The following FBLN2 variants were observed in gnomAD, a reference collection of about 807,000 sequenced individuals.
FBLN2 encodes fibulin-2.
In FBLN2, 81 loss-of-function variants were observed where a neutral mutation model predicts 123.7. The ratio of observed to expected loss-of-function variants is 0.65; its 90% CI spans 0.55 to 0.79. The LOEUF is 0.79. Ranked by LOEUF, FBLN2 falls within the 30% of genes least tolerant of loss-of-function variation. FBLN2 has a pLI of 0.00. For missense variants in FBLN2, 1,603 were observed against 1,681.3 expected (o/e 0.95, Z 0.81); for synonymous variants, 699 against 701.4 (o/e 1.00, Z 0.05).
At chr3:13,581,488 T>C (rs1574958791) in intron 2 of FBLN2, among the ~76,000 whole-genome samples, 1 of 152,070 alleles carries the variant, frequency 6.6e-6, no homozygotes, top group East Asian at 1.9e-4. Context: ...CAATCAGACG[T>C]GGAGGCTGAG....
At chr3:13,631,279 G>A in intron 15 of FBLN2, 50 bp from the exon 16 acceptor site, 1 of 1,579,176 alleles carries the variant, frequency 6.3e-7, no homozygotes, top group Non-Finnish European at 8.6e-7. Context: ...TCAGTGGCTG[G>A]GCTCTGTGGG....
chr3:13,560,262 G>A lies in FBLN2; in HGVS notation c.-41-10053G>A, dbSNP rs1703568347. On this transcript the variant is annotated intron_variant, in intron 1 of 17. Transcript: ENST00000404922. ...TTTTCTTTTTTTTAGGGAGGAGAGG[G>A]AAGGGAGGGGAGAAAACCCTGGCTG... is the stretch of plus-strand genomic sequence containing the variant. Among the ~76,000 whole-genome samples, 4 of 152,116 alleles carry A rather than the reference G, an allele frequency of 2.6e-5. No homozygotes were observed. The South Asian group carries it at 8.3e-4, about 32-fold the overall frequency.
In FBLN2 at chr3:13,618,256, T is replaced by C. The variant is rs1321640460; in HGVS notation, c.1910T>C (p.Leu637Pro). The C allele has an allele frequency of 1.1e-5, 18 of 1,613,908 alleles. No homozygotes were observed. Among genetic ancestry groups the C allele is most frequent in the Admixed American group, 8.3e-5 (5 of 60,032 alleles). Reference protein sequence around the residue: ...YHCACFPGFSLQDDGRTCRPE... With the variant: ...YHCACFPGFSPQDDGRTCRPE... The stretch of plus-strand genomic sequence containing the variant: ...TGTGCCTGCTTTCCTGGCTTCTCAC[T>C]GCAGGACGATGGCCGCACTTGCCGC... The change falls in exon 6 of 18, where the codon CTG (leucine) becomes CCG (proline). Residue 637 changes from leucine to proline, a missense_variant. Transcript: ENST00000404922.
At chr3:13,605,866 G>A (rs367725997) in intron 2 of FBLN2, among the ~76,000 whole-genome samples, 1 of 152,082 alleles carries the variant, frequency 6.6e-6, no homozygotes, top group East Asian at 1.9e-4. Flanking sequence ...GAGAAAAGGG[G>A]GTCCCCACCT....
chr3:13,609,641 A>G lies in FBLN2; in HGVS notation c.1547A>G (p.Lys516Arg). 7.9e-7 allele frequency: 1 copy of G among 1,262,216 alleles called. No individual in the cohort carries two copies. Among genetic ancestry groups the G allele is most frequent in the Non-Finnish European group, 1.0e-6 (1 of 969,312 alleles). The allele number at this position is 1,262,216 out of a possible 1,614,324, so 78.2% of individuals were successfully genotyped here. The change falls in exon 4 of 18, where the codon AAG (lysine) becomes AGG (arginine). Residue 516 changes from lysine (K) to arginine (R), a missense_variant and splice_region_variant. Transcript: ENST00000404922. ...DNDSCGISLYKQCCDCCGLGL... is the reference protein window; with the variant it reads ...DNDSCGISLYRQCCDCCGLGL... ...GACAGCTGCGGCATCTCCCTGTACA[A>G]GGCAAGCCTGACCTGTGGCCTTCAA... is the stretch of plus-strand genomic sequence containing the variant.
chr3:13,606,396 TGTAACC>T (rs1164172681), intron 2 of FBLN2, among the ~76,000 whole-genome samples: 3 of 152,252 alleles, frequency 2.0e-5, no homozygotes, highest in African/African-American at 7.2e-5. Flanking sequence ...CATTAATTTT[TGTAACC>T]TATAGCCTGT....
rs877432 is a variant in FBLN2 at position 13,629,683 on chromosome 3, T to A, written c.2843-137T>A. 0.25 allele frequency: 309,243 copies of A among 1,222,346 alleles called. 42,152 individuals are homozygous for A. Among genetic ancestry groups the A allele is most frequent in the African/African-American group, 0.45 (29,077 of 64,956 alleles). 75.7% of individuals were successfully genotyped at this position (1,222,346 alleles called of 1,614,324 possible). ...TGGTCTCTTTGCCTCTCTCTTTCCC[T>A]GTCCTGGCCTCTCCCTGTCTTTCCT... On this transcript the variant is annotated intron_variant, in intron 13 of 17. Coordinates refer to ENST00000404922, the MANE Select transcript of FBLN2 (RefSeq NM_001004019.2).
chr3:13,623,830 A>G (rs1405089254), intron 9 of FBLN2, among the ~76,000 whole-genome samples: 1 of 152,186 alleles, frequency 6.6e-6, no homozygotes, highest in Non-Finnish European at 1.5e-5. Flanking sequence ...GGATTAAATG[A>G]ATTAGTCCAT....
intron 2 of FBLN2, among the ~76,000 whole-genome samples, chr3:13,573,912 AAAAAG>A (rs1321106599): frequency 1.3e-5 from 2 of 151,622 alleles, no homozygotes; most frequent in Non-Finnish European, 2.9e-5. Flanking sequence ...AAAAAAAAAA[AAAAAG>A]GGAACCACTG....
intron 2 of FBLN2, among the ~76,000 whole-genome samples, chr3:13,599,750 T>C (rs1472104914): frequency 1.3e-5 from 2 of 151,364 alleles, no homozygotes. Flanking sequence ...GTAGGGCCTT[T>C]GTTGACACAG....
At position 13,636,486 on chromosome 3, in the gene FBLN2, G is replaced by T. The variant is rs1177285039; in HGVS notation, c.3256G>T (p.Ala1086Ser). 3.7e-6 allele frequency: 6 copies of T among 1,613,568 alleles called. No individual in the cohort carries two copies. Among genetic ancestry groups the T allele is most frequent in the Non-Finnish European group, 5.1e-6 (6 of 1,179,718 alleles). ...ACTGGGTACCCACAACTGTTCCGAG[G>T]CTGAGACCTGCCACAACATCCAGGG... ...CALGTHNCSEAETCHNIQGSF... is the reference protein window; with the variant it reads ...CALGTHNCSESETCHNIQGSF... Residue 1086 changes from alanine to serine, a missense_variant, in exon 17 of 18, where the codon GCT becomes TCT. Physicochemically the swap from Ala to Ser is moderately conservative, Grantham distance 99. Coordinates refer to ENST00000404922, the MANE Select transcript of FBLN2 (RefSeq NM_001004019.2).
At chr3:13,580,978 C>T (rs1226550498) in intron 2 of FBLN2, among the ~76,000 whole-genome samples, 1 of 152,184 alleles carries the variant, frequency 6.6e-6, no homozygotes, top group African/African-American at 2.4e-5. Context: ...CAGGATGGCT[C>T]ATGTCTGTGC....
chr3:13,549,378 C>A (rs1385922193), intron 1 of FBLN2, among the ~76,000 whole-genome samples, 170 bp downstream of exon 1: 2 of 151,544 alleles, frequency 1.3e-5, no homozygotes, highest in African/African-American at 2.4e-5. Context: ...TCTCGCTCTC[C>A]CGGTCCCAGC....
chr3:13,597,240 T>C (rs868406769), intron 2 of FBLN2, among the ~76,000 whole-genome samples: 9 of 152,342 alleles, frequency 5.9e-5, no homozygotes, highest in African/African-American at 2.2e-4. Flanking sequence ...CCTGGATCTA[T>C]TTTTAAAAGA....
At chr3:13,574,923 A>C (rs1232257117) in intron 2 of FBLN2, among the ~76,000 whole-genome samples, 1 of 152,188 alleles carries the variant, frequency 6.6e-6, no homozygotes, top group African/African-American at 2.4e-5. Context: ...GACCAGGGAT[A>C]AACCTGCCTG....
intron 1 of FBLN2, among the ~76,000 whole-genome samples, chr3:13,566,186 C>T (rs1323939082): frequency 6.6e-6 from 1 of 152,092 alleles, no homozygotes; most frequent in Admixed American, 6.5e-5. Context: ...CCAGGGGCTT[C>T]TTTTTTCAGG....
At chr3:13,585,735 G>C (rs1056013199) in intron 2 of FBLN2, among the ~76,000 whole-genome samples, 1 of 152,180 alleles carries the variant, frequency 6.6e-6, no homozygotes, top group Non-Finnish European at 1.5e-5. Flanking sequence ...AGGTTGCAAT[G>C]AGCCAAGATC....
intron 10 of FBLN2, among the ~76,000 whole-genome samples, chr3:13,626,824 C>T (rs1025381422): frequency 2.6e-5 from 4 of 152,156 alleles, no homozygotes; most frequent in Admixed American, 6.5e-5. Flanking sequence ...AGGTCCACCC[C>T]GGCTTTGCTC....
Position 13,636,464 on chromosome 3 carries a change from G to A in FBLN2, c.3234G>A (p.Leu1078=). ...RSCKDVDECA[L]GTHNCSEAET... ...CCCCAGACGTGGATGAGTGTGCACT[G>A]GGTACCCACAACTGTTCCGAGGCTG... Residue 1078 remains leucine, a synonymous_variant, in exon 17 of 18, where the codon CTG becomes CTA. Coordinates refer to ENST00000404922, the MANE Select transcript of FBLN2 (RefSeq NM_001004019.2). The A allele has an allele frequency of 6.2e-7, 1 of 1,613,722 alleles. No homozygotes were observed. Among genetic ancestry groups the A allele is most frequent in the African/African-American group, 1.3e-5 (1 of 75,056 alleles).
Sources: allele counts gnomAD v4.1 joint callset (sites outside exome capture counted in the v4.1 genomes callset), GRCh38; gene constraint gnomAD v4.1.1; transcripts MANE v1.5; gene names NCBI Gene and HGNC (gene_info 2026-07-23, HGNC 2026-07-21).